The following ASIC2 variants were observed in gnomAD, a reference collection of about 807,000 sequenced individuals.
ASIC2 encodes the protein acid sensing ion channel subunit 2, also known as acid-sensing ion channel 2.
Under a neutral mutation model 57.3 loss-of-function variants are expected in ASIC2, and 25 were observed. The observed-to-expected ratio is 0.44, with a 90% CI of 0.32 to 0.61. The LOEUF (loss-of-function observed/expected upper bound fraction) is 0.61, where lower values mean the gene tolerates loss of function less well. Ranked by LOEUF, ASIC2 falls within the 20% of genes least tolerant of loss-of-function variation. The pLI is 0.06. For missense variants in ASIC2, 641 were observed against 738.1 expected, an observed-to-expected ratio of 0.87 and a Z score of 1.52; for synonymous variants, 319 against 307.5, an observed-to-expected ratio of 1.04 and a Z score of -0.39.
intron 1 of ASIC2, among the ~76,000 whole-genome samples, chr17:33,433,784 C>A (rs978474609): frequency 1.3e-5 from 2 of 150,788 alleles, no homozygotes; most frequent in South Asian, 2.1e-4. Context: ...AACAAAAAAA[C>A]CCCTAGGTGA....
chr17:33,203,146 C>A (rs1375058549), intron 1 of ASIC2, among the ~76,000 whole-genome samples: 1 of 152,212 alleles, frequency 6.6e-6, no homozygotes, highest in Non-Finnish European at 1.5e-5. Flanking sequence ...TCATCCTTAC[C>A]CATAGCTCCA....
chr17:33,630,564 A>G (rs1387899805), intron 1 of ASIC2, among the ~76,000 whole-genome samples: 1 of 152,200 alleles, frequency 6.6e-6, no homozygotes, highest in Non-Finnish European at 1.5e-5. Context: ...TATGACAAGC[A>G]TGCTATGAAA....
chr17:33,648,416 T>C (rs1906814056), intron 1 of ASIC2, among the ~76,000 whole-genome samples: 2 of 152,240 alleles, frequency 1.3e-5, no homozygotes, highest in Admixed American at 6.5e-5. Flanking sequence ...TGTTGTTCAC[T>C]GCAGTATCCC....
chr17:33,863,577 G>C (rs1914150036), intron 1 of ASIC2, among the ~76,000 whole-genome samples: 1 of 152,200 alleles, frequency 6.6e-6, no homozygotes, highest in South Asian at 2.1e-4. Context: ...ACAACTGTCT[G>C]CTAGGGTCCA....
intron 1 of ASIC2, among the ~76,000 whole-genome samples, chr17:33,374,935 C>T (rs763925125): frequency 9.2e-5 from 14 of 152,068 alleles, no homozygotes; most frequent in Admixed American, 7.2e-4. Flanking sequence ...TCTATTTTAC[C>T]GACAAGGAAA....
intron 1 of ASIC2, among the ~76,000 whole-genome samples, chr17:33,202,237 G>A (rs192503927): frequency 2.6e-5 from 4 of 152,224 alleles, no homozygotes; most frequent in Admixed American, 6.5e-5. Context: ...AGCGAGCAGC[G>A]AGTAGTCTTT....
At chr17:33,087,575 GTTTTT>G (rs5820015) in intron 3 of ASIC2, among the ~76,000 whole-genome samples, 24 of 111,040 alleles carry the variant, frequency 2.2e-4, no homozygotes, top group African/African-American at 8.7e-4. Flanking sequence ...TACAACCAGT[GTTTTT>G]TTTTTTTTTT....
At chr17:33,209,208 T>C (rs903807739) in intron 1 of ASIC2, among the ~76,000 whole-genome samples, 14 of 152,228 alleles carry the variant, frequency 9.2e-5, no homozygotes, top group Non-Finnish European at 2.9e-5. Context: ...TTCTGACTCT[T>C]TCTCCCAGTC....
Position 33,176,836 on chromosome 17 carries a change from C to T in ASIC2, c.709-64769G>A, listed in dbSNP as rs547295025. On this transcript the variant is annotated intron_variant, in intron 1 of 9. Transcript: ENST00000225823. Reference sequence around the variant, plus strand: ...GAACCCTGGGTCTGGATGTCTCATCCCTGAGCACTGTAGAATGGCCACCAA... The same window carrying T: ...GAACCCTGGGTCTGGATGTCTCATCTCTGAGCACTGTAGAATGGCCACCAA... Among the ~76,000 whole-genome samples, 6 of 152,252 alleles carry T rather than the reference C, an allele frequency of 3.9e-5. No homozygotes were observed. In the South Asian group the frequency reaches 1.0e-3, roughly 26 times the overall value.
chr17:33,227,743 T>C (rs897587736), intron 1 of ASIC2, among the ~76,000 whole-genome samples: 3 of 152,334 alleles, frequency 2.0e-5, no homozygotes, highest in South Asian at 4.1e-4. Context: ...GTGCTCTTAT[T>C]GATCCCATTT....
At chr17:33,382,715 A>G (rs775142711) in intron 1 of ASIC2, among the ~76,000 whole-genome samples, 1 of 152,238 alleles carries the variant, frequency 6.6e-6, no homozygotes, top group Non-Finnish European at 1.5e-5. Flanking sequence ...GAGCTTGTGC[A>G]GATTTCACAA....
At chr17:33,275,361 G>A (rs776531062) in intron 1 of ASIC2, among the ~76,000 whole-genome samples, 5 of 152,020 alleles carry the variant, frequency 3.3e-5, no homozygotes, top group East Asian at 1.9e-4. Context: ...CTGAATCTTC[G>A]CACTATAACC....
intron 1 of ASIC2, among the ~76,000 whole-genome samples, chr17:33,284,415 A>C (rs1486635939): frequency 1.3e-5 from 2 of 152,102 alleles, no homozygotes; most frequent in East Asian, 1.9e-4. Flanking sequence ...TCCTCCATAG[A>C]TCTACTTCTC....
intron 3 of ASIC2, among the ~76,000 whole-genome samples, chr17:33,044,461 C>T (rs912248034): frequency 6.6e-6 from 1 of 152,190 alleles, no homozygotes; most frequent in African/African-American, 2.4e-5. Context: ...CAACCTCCGC[C>T]TCCTGGCTTC....
intron 1 of ASIC2, among the ~76,000 whole-genome samples, chr17:33,964,559 T>A (rs1399592030): frequency 6.6e-6 from 1 of 152,246 alleles, no homozygotes; most frequent in Non-Finnish European, 1.5e-5. Context: ...GGACAGGTGA[T>A]ACCACGCTGC....
At chr17:33,522,353 G>A (rs1427674223) in intron 1 of ASIC2, among the ~76,000 whole-genome samples, 3 of 152,244 alleles carry the variant, frequency 2.0e-5, no homozygotes, top group Non-Finnish European at 4.4e-5. Flanking sequence ...GAGAAACCGA[G>A]TCTTCCCTGC....
chr17:33,733,036 C>T (rs1328292502), intron 1 of ASIC2, among the ~76,000 whole-genome samples: 1 of 152,128 alleles, frequency 6.6e-6, no homozygotes, highest in African/African-American at 2.4e-5. Context: ...GGAGATGTTC[C>T]CTGTTTACTC....
intron 1 of ASIC2, among the ~76,000 whole-genome samples, chr17:33,437,875 C>T (rs547855107): frequency 2.6e-5 from 4 of 152,316 alleles, no homozygotes; most frequent in African/African-American, 7.2e-5. Flanking sequence ...CTCCCACCTT[C>T]CTGTTCCCTC....
At chr17:34,039,140 A>T in intron 1 of ASIC2, 3 of 1,614,016 alleles carry the variant, frequency 1.9e-6, no homozygotes, top group Non-Finnish European at 2.5e-6. Context: ...TGCCGTCTCA[A>T]ATCACAGATG....
Sources: gnomAD v4.1 joint callset for allele counts (sites outside exome capture counted in the v4.1 genomes callset) on GRCh38, gnomAD v4.1.1 for gene constraint, MANE v1.5 for transcripts, NCBI Gene and HGNC (gene_info 2026-07-23, HGNC 2026-07-21) for gene names.